The following TUBGCP2 variants were observed in gnomAD, a reference collection of about 807,000 sequenced individuals.
TUBGCP2 encodes the protein gamma-tubulin complex component 2.
Under a neutral mutation model 92.2 loss-of-function variants are expected in TUBGCP2, and 55 were observed. That is an observed-to-expected ratio of 0.60 (90% CI 0.48 to 0.75). The LOEUF is 0.75. Among genes scored for constraint, TUBGCP2 ranks in the 30% least tolerant of loss-of-function variants. TUBGCP2 has a pLI of 0.00. For missense variants in TUBGCP2, 1,093 were observed against 1,188.9 expected (o/e 0.92, Z 1.19); for synonymous variants, 533 against 505.2 (o/e 1.06, Z -0.74).
upstream of TUBGCP2, among the ~76,000 whole-genome samples, chr10:133,310,954 G>A (rs1005221354): frequency 1.3e-5 from 2 of 152,080 alleles, no homozygotes; most frequent in East Asian, 1.9e-4. Context: ...AACACGCATC[G>A]CCGCACTCGG....
chr10:133,299,684 G>T, intron 3 of TUBGCP2, 81 bp from the exon 4 acceptor site: 1 of 1,275,122 alleles, frequency 7.8e-7, no homozygotes, highest in Non-Finnish European at 1.1e-6. Flanking sequence ...GACACCACCA[G>T]GACGGCTCCC....
intron 17 of TUBGCP2, among the ~76,000 whole-genome samples, chr10:133,281,045 G>T (rs1846958996): frequency 7.0e-6 from 1 of 143,228 alleles, no homozygotes; most frequent in African/African-American, 2.6e-5. Context: ...GGGCTGAGCT[G>T]GGGGAAGGCT....
At chr10:133,309,817 T>G (rs1408696943), upstream of TUBGCP2, 2 of 1,613,308 alleles carry the variant, frequency 1.2e-6, no homozygotes, top group Non-Finnish European at 1.7e-6. Context: ...TGCTGCCAGG[T>G]GTTCGATGCC....
At chr10:133,310,352 C>A, upstream of TUBGCP2, 2 of 1,600,194 alleles carry the variant, frequency 1.2e-6, no homozygotes, top group Non-Finnish European at 8.5e-7. Flanking sequence ...TCCAACTAGC[C>A]GGAATGCATA....
At chr10:133,280,309 G>A (rs1304564578) in intron 17 of TUBGCP2, among the ~76,000 whole-genome samples, 1 of 152,176 alleles carries the variant, frequency 6.6e-6, no homozygotes, top group Non-Finnish European at 1.5e-5. Flanking sequence ...AGGTGTCAGG[G>A]GCTTGGAGAA....
chr10:133,289,690 C>CGCATTCACGGACACCAGGGCTCAGG, intron 9 of TUBGCP2, 134 bp downstream of exon 9: 1 of 1,066,774 alleles, frequency 9.4e-7, no homozygotes, highest in Admixed American at 2.5e-5. Context: ...ACCTCAGCCC[C>CGCATTCACGGACACCAGGGCTCAGG]GCATTCACGG....
intron 1 of TUBGCP2, among the ~76,000 whole-genome samples, chr10:133,307,139 G>T (rs1040833054): frequency 1.3e-5 from 2 of 152,254 alleles, no homozygotes; most frequent in Admixed American, 1.3e-4. Flanking sequence ...ATCTAGCCGT[G>T]GCTGCTTCTT....
At chr10:133,300,211 T>TA in intron 2 of TUBGCP2, 98 bp from the exon 3 acceptor site, 1 of 1,377,112 alleles carries the variant, frequency 7.3e-7, no homozygotes, top group Non-Finnish European at 9.9e-7. Context: ...CCAATGGAAT[T>TA]AAATTGGGTA....
chr10:133,279,384 C>T lies in TUBGCP2; in HGVS notation c.*382G>A, dbSNP rs1278064717. On this transcript the variant is annotated 3_prime_UTR_variant, in exon 18 of 18. Coordinates refer to ENST00000252936, the MANE Select transcript of TUBGCP2 (RefSeq NM_006659.4). Reference sequence around the variant, plus strand: ...CGTTTCCAGAGGCTTGTCCCGGTTCCGACAGACCTCAGGAAGCCCGGCCCC... The same window carrying T: ...CGTTTCCAGAGGCTTGTCCCGGTTCTGACAGACCTCAGGAAGCCCGGCCCC... 2 of 205,034 alleles carry T rather than the reference C, an allele frequency of 9.8e-6. No homozygotes were observed. The highest frequency in any genetic ancestry group is 2.0e-5 in the Non-Finnish European group (2 of 101,426). The allele number at this position is 205,034 out of a possible 1,614,324, so 12.7% of individuals were successfully genotyped here. A position where few individuals can be genotyped will look rare whatever the true frequency, so the allele number is the denominator to read the frequency against.
Position 133,299,564 on chromosome 10 carries a change from C to A in TUBGCP2, c.319G>T (p.Glu107Ter). The change falls in exon 4 of 18, where the codon GAG becomes TAG. Residue 107 changes from glutamate to a stop codon, truncating the protein, a stop_gained. Transcript: ENST00000252936. LOFTEE classifies it high-confidence loss of function. ...YLQQNAKERA[E>*]LAAAAVGSST... is the part of the protein sequence containing the mutation. Reference sequence around the variant, plus strand: ...CTGCCCACAGCAGCGGCTGCAAGCTCAGCTCTTTCTTTTGCATTCTGTTGT... The same window carrying A: ...CTGCCCACAGCAGCGGCTGCAAGCTAAGCTCTTTCTTTTGCATTCTGTTGT... The A allele has an allele frequency of 6.2e-7, 1 of 1,613,298 alleles. No individual in the cohort carries two copies. Among genetic ancestry groups the A allele is most frequent in the Non-Finnish European group, 8.5e-7 (1 of 1,179,678 alleles).
At chr10:133,294,071 G>A (rs541360761) in intron 5 of TUBGCP2, among the ~76,000 whole-genome samples, 6 of 152,366 alleles carry the variant, frequency 3.9e-5, no homozygotes, top group African/African-American at 9.6e-5. Flanking sequence ...TTGAAAAGGC[G>A]ACTCCAGCAG....
chr10:133,299,262 A>G (rs1847569808), intron 4 of TUBGCP2, among the ~76,000 whole-genome samples, 165 bp downstream of exon 4: 1 of 152,194 alleles, frequency 6.6e-6, no homozygotes, highest in Non-Finnish European at 1.5e-5. Context: ...GTCATGATCA[A>G]GCATTAAGCC....
chr10:133,301,275 G>C (rs966137754), intron 2 of TUBGCP2, among the ~76,000 whole-genome samples: 1 of 151,990 alleles, frequency 6.6e-6, no homozygotes, highest in African/African-American at 2.4e-5. Flanking sequence ...TTACTGGCAC[G>C]CACCACCACG....
intron 8 of TUBGCP2, 171 bp from the exon 9 acceptor site, chr10:133,290,140 A>G: frequency 1.1e-6 from 1 of 948,706 alleles, no homozygotes; most frequent in South Asian, 1.7e-5. Context: ...CTGTGGGCTA[A>G]AACGAACCTA....
chr10:133,280,567 C>T (rs971547957), intron 17 of TUBGCP2, among the ~76,000 whole-genome samples: 3 of 152,244 alleles, frequency 2.0e-5, no homozygotes, highest in Non-Finnish European at 4.4e-5. Context: ...AGGACACACA[C>T]AGCCGCAGGG....
chr10:133,284,513 C>T (rs963785619), intron 13 of TUBGCP2, among the ~76,000 whole-genome samples: 6 of 152,148 alleles, frequency 3.9e-5, no homozygotes, highest in East Asian at 1.9e-4. Flanking sequence ...CAGGCATTCC[C>T]GGCTAATTAA....
rs544819859 is a variant in TUBGCP2, at chr10:133,302,418, C to T, written c.150+374G>A. 6.6e-5 allele frequency: 19 copies of T among 288,924 alleles called. No homozygotes were observed. In the Admixed American group the frequency reaches 7.1e-4, roughly 11 times the overall value. 17.9% of individuals were successfully genotyped at this position (288,924 alleles called of 1,614,324 possible). ...CCTGCACCCTGCACCAGAGGTGGCGCTCACCCTGCACCCTGCACCAGAGGT... is the reference window on the plus strand; with the variant it reads ...CCTGCACCCTGCACCAGAGGTGGCGTTCACCCTGCACCCTGCACCAGAGGT... On this transcript the variant is annotated intron_variant, in intron 2 of 17. Transcript: ENST00000252936.
At chr10:133,310,109 A>T, upstream of TUBGCP2, 1 of 1,612,120 alleles carries the variant, frequency 6.2e-7, no homozygotes. Context: ...CTACGGGGGC[A>T]TGGCGGTGGG....
upstream of TUBGCP2, chr10:133,310,597 C>T (rs758340569): frequency 1.2e-4 from 47 of 390,454 alleles, no homozygotes; most frequent in South Asian, 2.5e-5. Flanking sequence ...ATGCCTGTAC[C>T]TCCTGCAGCA....
Sources: allele counts gnomAD v4.1 joint callset (sites outside exome capture counted in the v4.1 genomes callset), GRCh38; gene constraint gnomAD v4.1.1; transcripts MANE v1.5; gene names NCBI Gene and HGNC (gene_info 2026-07-23, HGNC 2026-07-21).